The following SELENOP variants were observed in gnomAD, a reference collection of about 807,000 sequenced individuals.
The protein encoded by SELENOP is selenoprotein P.
In SELENOP, 36 loss-of-function variants were observed where a neutral mutation model predicts 41.0. The ratio of observed to expected loss-of-function variants is 0.88; its 90% confidence interval spans 0.67 to 1.16. The LOEUF (loss-of-function observed/expected upper bound fraction) is 1.16. SELENOP is among the 50% of genes most tolerant of loss of function. SELENOP has a pLI of 0.00. For missense variants in SELENOP, 440 were observed against 454.2 expected (o/e 0.97, Z 0.28); for synonymous variants, 144 against 150.8 (o/e 0.95, Z 0.33).
chr5:42,804,572 A>G (rs1392815437), intron 4 of SELENOP, 84 bp downstream of exon 4: 1 of 729,518 alleles, frequency 1.4e-6, no homozygotes, highest in Non-Finnish European at 2.3e-6. Flanking sequence ...CTGCAAAAGC[A>G]TTGAGTTTTC....
chr5:42,811,577 T>C (rs1468161820), intron 1 of SELENOP, among the ~76,000 whole-genome samples: 1 of 152,198 alleles, frequency 6.6e-6, no homozygotes, highest in African/African-American at 2.4e-5. Context: ...AAGGTTTGGA[T>C]TTCTCCAGCT....
At chr5:42,810,208 T>A (rs1760429781) in intron 1 of SELENOP, among the ~76,000 whole-genome samples, 1 of 152,188 alleles carries the variant, frequency 6.6e-6, no homozygotes, top group Non-Finnish European at 1.5e-5. Context: ...AAGCTACATC[T>A]TAGCTACTGC....
At chr5:42,809,717 C>T (rs531696990) in intron 1 of SELENOP, 379 of 729,238 alleles carry the variant, frequency 5.2e-4, no homozygotes, top group Non-Finnish European at 6.0e-4. Flanking sequence ...GAATTTTTAA[C>T]CCTGATTGTC....
chr5:42,806,693 A>T (rs1760336262), intron 3 of SELENOP: 2 of 407,702 alleles, frequency 4.9e-6, no homozygotes, highest in South Asian at 9.9e-5. Flanking sequence ...ATAGTGTCAT[A>T]GAAATTTTTT....
chr5:42,805,544 C>T (rs1459457220), intron 3 of SELENOP: 3 of 151,998 alleles, frequency 2.0e-5, no homozygotes, highest in African/African-American at 4.8e-5. Context: ...ATTGAGATTC[C>T]CTCAAAATAT....
chr5:42,800,928 C>T lies in SELENOP; in HGVS notation c.938G>A (p.Gly313Glu). 1.2e-6 allele frequency: 2 copies of T among 1,614,170 alleles called. No individual in the cohort carries two copies. The highest frequency in any genetic ancestry group is 1.7e-6 in the Non-Finnish European group (2 of 1,180,038). ...TTTACACTGTCAGGTGATTGCAGAC[C>T]CTGTTTTTTCAAATATCAGATGTCG... ...HCRHLIFEKT[G>E]SAITUQCKEN... The change falls in exon 5 of 5, where the codon GGG becomes GAG. Residue 313 changes from glycine (G) to glutamate (E), a missense_variant. Gly to Glu is a moderately conservative substitution (Grantham distance 98, BLOSUM62 -2). Transcript: ENST00000514985.
rs974595765 is a variant in SELENOP, at chr5:42,800,005, T to G, written c.*715A>C. On this transcript the variant is annotated 3_prime_UTR_variant, in exon 5 of 5. Coordinates refer to ENST00000514985, the MANE Select transcript of SELENOP (RefSeq NM_005410.4). ...GGTTTATAGGGTTTGGTTTACCTAT[T>G]AAACCATCATTGACTATGGAAATAC... 1.0e-5 allele frequency: 5 copies of G among 480,790 alleles called. No homozygotes were observed. The highest frequency in any genetic ancestry group is 1.8e-5 in the Non-Finnish European group (5 of 276,002). 29.8% of individuals were successfully genotyped at this position (480,790 alleles called of 1,614,324 possible).
chr5:42,805,001 A>G (rs1371205852), intron 3 of SELENOP: 3 of 311,900 alleles, frequency 9.6e-6, no homozygotes, highest in Non-Finnish European at 1.7e-5. Context: ...TTGAAATGTT[A>G]TAGATATGTC....
intron 2 of SELENOP, chr5:42,807,382 T>G: frequency 4.8e-6 from 1 of 207,894 alleles, no homozygotes; most frequent in South Asian, 1.2e-4. Flanking sequence ...TGAATGTATC[T>G]TATAGGTAGA....
intron 3 of SELENOP, chr5:42,805,993 A>G (rs1760321892): frequency 1.3e-5 from 2 of 152,256 alleles, no homozygotes. Context: ...TGAAGAGATT[A>G]GTGGAAAAAT....
Position 42,800,923 on chromosome 5 carries a change from C to T in SELENOP, c.943G>A (p.Ala315Thr). 1 of 1,614,226 alleles carries T rather than the reference C, an allele frequency of 6.2e-7. No homozygotes were observed. The highest frequency in any genetic ancestry group is 1.1e-5 in the South Asian group (1 of 91,090). ...TTTTCTTTACACTGTCAGGTGATTG[C>T]AGACCCTGTTTTTTCAAATATCAGA... ...RHLIFEKTGSAITUQCKENLP... is the reference protein window; with the variant it reads ...RHLIFEKTGSTITUQCKENLP... The change falls in exon 5 of 5, where the codon GCA becomes ACA. Residue 315 changes from alanine (A) to threonine (T), a missense_variant. By Grantham distance (58) the Ala-to-Thr change is moderately conservative. Coordinates refer to ENST00000514985, the MANE Select transcript of SELENOP (RefSeq NM_005410.4).
rs1311003437 is a variant in SELENOP at position 42,807,013 on chromosome 5, T to C, written c.299A>G (p.Tyr100Cys). The C allele has an allele frequency of 1.3e-6, 2 of 1,593,528 alleles. No homozygotes were observed. The highest frequency in any genetic ancestry group is 1.1e-5 in the South Asian group (1 of 90,496). The change falls in exon 3 of 5, where the codon TAC (tyrosine) becomes TGC (cysteine). Residue 100 changes from tyrosine (Y) to cysteine (C), a missense_variant. Coordinates refer to ENST00000514985, the MANE Select transcript of SELENOP (RefSeq NM_005410.4). Reference sequence around the variant, plus strand: ...TGAAACCTTATTCTTAAGATGTGTGTATTTTAATCGAGAAGAGATTCCTTG... The same window carrying C: ...TGAAACCTTATTCTTAAGATGTGTGCATTTTAATCGAGAAGAGATTCCTTG... Reference protein sequence around the residue: ...NHQGISSRLKYTHLKNKVSEH... With the variant: ...NHQGISSRLKCTHLKNKVSEH...
chr5:42,808,373 AAG>A lies in SELENOP; in HGVS notation c.-13-9_-13-8del. ...CCACATTGCTGGGGTTGTCCTGTAA[AAG>A]AGAAAACCTGTCACTCTTCTTCATA... On this transcript the variant is annotated splice_region_variant and splice_polypyrimidine_tract_variant and intron_variant, in intron 1 of 4. Transcript: ENST00000514985. 1.6e-6 allele frequency: 2 copies of A among 1,268,214 alleles called. No individual in the cohort carries two copies. Among genetic ancestry groups the A allele is most frequent in the Non-Finnish European group, 2.1e-6 (2 of 972,104 alleles). 78.6% of individuals were successfully genotyped at this position (1,268,214 alleles called of 1,614,324 possible).
chr5:42,804,760 C>CA lies in SELENOP; in HGVS notation c.429dup (p.Val144CysfsTer?). On this transcript the variant is annotated frameshift_variant, in exon 4 of 5. Transcript: ENST00000514985. LOFTEE classifies it high-confidence loss of function. ...GAAAAAGGCAAACCAAGATGATATA[C>CA]AAGACGGCCACATCTAAGAAAAAGG... The CA allele has an allele frequency of 6.3e-7, 1 of 1,592,844 alleles. No individual in the cohort carries two copies. The highest frequency in any genetic ancestry group is 2.2e-5 in the East Asian group (1 of 44,560).
chr5:42,804,257 C>T (rs563790501), intron 4 of SELENOP, among the ~76,000 whole-genome samples: 2 of 152,116 alleles, frequency 1.3e-5, no homozygotes, highest in Non-Finnish European at 2.9e-5. Flanking sequence ...GGCTGGAGAT[C>T]GAGACCATCC....
At position 42,808,503 on chromosome 5, in the gene SELENOP, T is replaced by A. The variant is rs1760388095; in HGVS notation, c.-13-137A>T. ...TGAATTCTGTCTCCAGAAAGTTATG[T>A]TCAGACTGTGGCTTATAAAAATAAG... On this transcript the variant is annotated intron_variant, in intron 1 of 4. Transcript: ENST00000514985. 4 of 376,900 alleles carry A rather than the reference T, an allele frequency of 1.1e-5. No homozygotes were observed. The Admixed American group carries it at 1.8e-4, about 17-fold the overall frequency. The allele number at this position is 376,900 out of a possible 1,614,324, so 23.3% of individuals were successfully genotyped here. A position where few individuals can be genotyped will look rare whatever the true frequency, so the allele number is the denominator to read the frequency against.
chr5:42,808,031 T>C (rs1397363236), intron 2 of SELENOP, 120 bp downstream of exon 2: 3 of 442,430 alleles, frequency 6.8e-6, no homozygotes, highest in Non-Finnish European at 1.1e-5. Flanking sequence ...TGCAAACACA[T>C]AGTTTTTCTA....
At chr5:42,811,062 G>T (rs928173366) in intron 1 of SELENOP, among the ~76,000 whole-genome samples, 12 of 152,304 alleles carry the variant, frequency 7.9e-5, no homozygotes, top group African/African-American at 2.9e-4. Flanking sequence ...TTGAAAAGTA[G>T]TTGTAAATTT....
intron 1 of SELENOP, among the ~76,000 whole-genome samples, chr5:42,809,177 TCA>T (rs888123150): frequency 5.3e-5 from 8 of 152,166 alleles, no homozygotes; most frequent in African/African-American, 1.9e-4. Context: ...AGTAGAAATA[TCA>T]CACATCTGCC....
Sources: allele counts gnomAD v4.1 joint callset (sites outside exome capture counted in the v4.1 genomes callset), GRCh38; gene constraint gnomAD v4.1.1; transcripts MANE v1.5; gene names NCBI Gene and HGNC (gene_info 2026-07-23, HGNC 2026-07-21).